The following GAS2 variants were observed in gnomAD, a reference collection of about 807,000 sequenced individuals.
GAS2 encodes growth arrest-specific protein 2.
GAS2 carries 20 observed loss-of-function variants against 37.5 expected under a neutral mutation model. The observed-to-expected ratio is 0.53, with a 90% CI of 0.37 to 0.77. GAS2 has a LOEUF of 0.77. Ranked by LOEUF, GAS2 falls within the 30% of genes least tolerant of loss-of-function variation. The probability of loss-of-function intolerance (pLI) is 0.00; values close to 1 mark genes in which losing one functional copy is unlikely to be tolerated. For missense variants in GAS2, 336 were observed against 373.4 expected (o/e 0.90, Z 0.82); for synonymous variants, 144 against 132.2 (o/e 1.09, Z -0.61).
intron 7 of GAS2, among the ~76,000 whole-genome samples, chr11:22,804,875 C>A (rs1424364794): frequency 1.3e-5 from 2 of 152,038 alleles, no homozygotes; most frequent in African/African-American, 4.8e-5. Flanking sequence ...CACTTAATTG[C>A]AATTGGCCTG....
At chr11:22,678,859 C>T (rs1218762098) in intron 2 of GAS2, among the ~76,000 whole-genome samples, 1 of 151,866 alleles carries the variant, frequency 6.6e-6, no homozygotes, top group South Asian at 2.1e-4. Context: ...ATGTATTATA[C>T]TGTCATTTCC....
intron 1 of GAS2, among the ~76,000 whole-genome samples, chr11:22,655,086 C>T (rs1215455802): frequency 1.3e-5 from 2 of 152,252 alleles, no homozygotes; most frequent in African/African-American, 4.8e-5. Flanking sequence ...CCCTACTGCC[C>T]TTCATGTTCT....
chr11:22,657,872 T>C (rs1848873224), intron 1 of GAS2, among the ~76,000 whole-genome samples: 1 of 152,202 alleles, frequency 6.6e-6, no homozygotes, highest in Non-Finnish European at 1.5e-5. Context: ...AGTAATGAAC[T>C]GAGTCTCCCA....
rs566989307 is a variant in GAS2, at chr11:22,697,420, G to A, written c.267+11631G>A. 4.8e-4 allele frequency among the ~76,000 whole-genome samples: 73 copies of A among 152,240 alleles called. 1 individual carries two copies. The highest frequency in any genetic ancestry group is 8.8e-4 in the Non-Finnish European group (60 of 68,008). ...TATTTTGGCTTAGGATTGACTTGGC[G>A]ATGCGGGCTCTTTTTTGGTTGCATA... On this transcript the variant is annotated intron_variant, in intron 3 of 7. Transcript: ENST00000454584.
chr11:22,705,969 A>C (rs2134052543), intron 3 of GAS2, among the ~76,000 whole-genome samples: 1 of 152,276 alleles, frequency 6.6e-6, no homozygotes, highest in South Asian at 2.1e-4. Flanking sequence ...TAAATTGCAC[A>C]CGTGAAAGCC....
chr11:22,724,429 T>A (rs563756132), intron 3 of GAS2, among the ~76,000 whole-genome samples: 2 of 152,148 alleles, frequency 1.3e-5, no homozygotes, highest in East Asian at 3.9e-4. Flanking sequence ...TCATGAATGC[T>A]ATTTTATGTG....
chr11:22,703,946 T>C (rs1850974141), intron 3 of GAS2, among the ~76,000 whole-genome samples: 1 of 152,102 alleles, frequency 6.6e-6, no homozygotes, highest in African/African-American at 2.4e-5. Flanking sequence ...TGCTGTTTCA[T>C]ATAAGAAATA....
In GAS2 at chr11:22,743,091, G is replaced by A. The variant is rs142090186; in HGVS notation, c.473+5323G>A. Reference sequence around the variant, plus strand: ...TTACAGAGTTTAAAAGGGGTTGCTTGACAAATTTTACCCAGTGAGTTAGTA... The same window carrying A: ...TTACAGAGTTTAAAAGGGGTTGCTTAACAAATTTTACCCAGTGAGTTAGTA... On this transcript the variant is annotated intron_variant, in intron 5 of 7. Transcript: ENST00000454584. Among the ~76,000 whole-genome samples the A allele has an allele frequency of 5.3e-4, 80 of 152,154 alleles. No individual in the cohort carries two copies. The East Asian group carries it at 0.01, about 19-fold the overall frequency.
At chr11:22,799,257 C>G (rs1856559152) in intron 7 of GAS2, among the ~76,000 whole-genome samples, 1 of 151,724 alleles carries the variant, frequency 6.6e-6, no homozygotes, top group Non-Finnish European at 1.5e-5. Flanking sequence ...TTAATGAGAC[C>G]CAGAGTTGCA....
chr11:22,743,791 A>T (rs1487613720), intron 5 of GAS2, among the ~76,000 whole-genome samples: 1 of 152,150 alleles, frequency 6.6e-6, no homozygotes, highest in Non-Finnish European at 1.5e-5. Flanking sequence ...GAAATAACTA[A>T]AATCAGAGCA....
chr11:22,794,984 A>G (rs1856356326), intron 7 of GAS2, among the ~76,000 whole-genome samples: 1 of 152,134 alleles, frequency 6.6e-6, no homozygotes, highest in African/African-American at 2.4e-5. Context: ...CATTCATCCA[A>G]CATATATTTA....
intron 7 of GAS2, among the ~76,000 whole-genome samples, chr11:22,764,869 T>TA (rs1379701390): frequency 1.4e-4 from 22 of 152,230 alleles, no homozygotes; most frequent in Non-Finnish European, 2.9e-4. Flanking sequence ...CTTGACCTGA[T>TA]AAGCATTCTT....
At chr11:22,741,483 G>A (rs1013591571) in intron 5 of GAS2, among the ~76,000 whole-genome samples, 8 of 151,648 alleles carry the variant, frequency 5.3e-5, no homozygotes, top group African/African-American at 1.7e-4. Flanking sequence ...TGATATTTTC[G>A]TTTAGGGTCA....
At chr11:22,806,751 G>A (rs546098568) in intron 7 of GAS2, among the ~76,000 whole-genome samples, 2 of 152,198 alleles carry the variant, frequency 1.3e-5, no homozygotes, top group African/African-American at 4.8e-5. Flanking sequence ...ACTCAGAATT[G>A]AAAATCTGTT....
At chr11:22,741,732 A>G (rs1853092499) in intron 5 of GAS2, among the ~76,000 whole-genome samples, 1 of 152,186 alleles carries the variant, frequency 6.6e-6, no homozygotes, top group African/African-American at 2.4e-5. Flanking sequence ...AACTGCTGAG[A>G]ACATCATATA....
chr11:22,760,137 A>ATT (rs76734031), intron 7 of GAS2, among the ~76,000 whole-genome samples: 1 of 144,228 alleles, frequency 6.9e-6, no homozygotes, highest in Admixed American at 6.9e-5. Context: ...TTAATTTTTA[A>ATT]TTTTTTTTTT....
intron 3 of GAS2, among the ~76,000 whole-genome samples, chr11:22,721,846 C>T (rs915660709): frequency 2.6e-5 from 4 of 151,766 alleles, no homozygotes; most frequent in Non-Finnish European, 5.9e-5. Context: ...GTACCCATAA[C>T]GGAAATAATG....
intron 3 of GAS2, among the ~76,000 whole-genome samples, chr11:22,713,465 G>T (rs879894337): frequency 1.3e-5 from 2 of 152,110 alleles, no homozygotes; most frequent in African/African-American, 2.4e-5. Context: ...CCCTGGTCTT[G>T]CTAGAGATCT....
At chr11:22,801,324 C>T (rs80216128) in intron 7 of GAS2, among the ~76,000 whole-genome samples, 21,397 of 151,910 alleles carry the variant, frequency 0.14, 1,588 homozygotes, top group African/African-American at 0.15. Context: ...CTACAACTTA[C>T]GAAATTTTCA....
Sources: allele counts gnomAD v4.1 joint callset (sites outside exome capture counted in the v4.1 genomes callset), GRCh38; gene constraint gnomAD v4.1.1; transcripts MANE v1.5; gene names NCBI Gene and HGNC (gene_info 2026-07-23, HGNC 2026-07-21).